ARHGAP24: variants seen among roughly 807,000 people sequenced by gnomAD.
ARHGAP24 encodes rho GTPase-activating protein 24.
Under a neutral mutation model 76.4 loss-of-function variants are expected in ARHGAP24, and 50 were observed. The ratio of observed to expected loss-of-function variants is 0.65; its 90% confidence interval spans 0.52 to 0.83. The LOEUF (loss-of-function observed/expected upper bound fraction) is 0.83. ARHGAP24 is among the 40% of genes least tolerant of loss of function. The probability of loss-of-function intolerance (pLI) is 0.00; values close to 1 mark genes in which losing one functional copy is unlikely to be tolerated. For synonymous variants in ARHGAP24, 345 were observed against 323.3 expected (o/e 1.07, Z -0.72); for missense variants, 930 against 914.2 (o/e 1.02, Z -0.22).
Position 85,766,832 on chromosome 4 carries a change from A to C in ARHGAP24, c.268+44860A>C, listed in dbSNP as rs572157083. Among the ~76,000 whole-genome samples the C allele has an allele frequency of 3.3e-4, 50 of 152,250 alleles. No individual in the cohort carries two copies. In the South Asian group the frequency reaches 0.01, roughly 32 times the overall value. ...TCACTCCTCCTCAGAGTCAAACAAA[A>C]ACTCTCACAATTTTAATATTTAGCA... On this transcript the variant is annotated intron_variant, in intron 3 of 9. Coordinates refer to ENST00000395184, the MANE Select transcript of ARHGAP24 (RefSeq NM_001025616.3).
In ARHGAP24 at chr4:85,632,050, A is replaced by G. The variant is rs563821734; in HGVS notation, c.180+61329A>G. Among the ~76,000 whole-genome samples, 193 of 151,966 alleles carry G rather than the reference A, an allele frequency of 1.3e-3. 1 individual carries two copies. The highest frequency in any genetic ancestry group is 3.4e-3 in the Middle Eastern group (1 of 294). On this transcript the variant is annotated intron_variant, in intron 2 of 9. Coordinates refer to ENST00000395184, the MANE Select transcript of ARHGAP24 (RefSeq NM_001025616.3). ...AAAGTTTTCTTGAACTTATATTTTA[A>G]TATCTTGTTTGTTCCCTTGATTTCC... is the stretch of plus-strand genomic sequence containing the variant.
chr4:85,673,080 T>G (rs988241366), intron 2 of ARHGAP24, among the ~76,000 whole-genome samples: 2 of 152,198 alleles, frequency 1.3e-5, no homozygotes, highest in African/African-American at 4.8e-5. Context: ...TAGATCGAGC[T>G]GGAGAGAAGG....
chr4:85,509,357 C>G (rs963185805), intron 1 of ARHGAP24, among the ~76,000 whole-genome samples: 7 of 151,858 alleles, frequency 4.6e-5, no homozygotes, highest in Admixed American at 4.6e-4. Flanking sequence ...AAAAAAAATT[C>G]TAATTTCTAG....
At position 85,725,316 on chromosome 4, in the gene ARHGAP24, G is replaced by A. The variant is rs542656347; in HGVS notation, c.268+3344G>A. Among the ~76,000 whole-genome samples the A allele has an allele frequency of 9.9e-5, 15 of 152,270 alleles. 1 individual carries two copies. The South Asian group carries it at 3.1e-3, about 32-fold the overall frequency. On this transcript the variant is annotated intron_variant, in intron 3 of 9. Coordinates refer to ENST00000395184, the MANE Select transcript of ARHGAP24 (RefSeq NM_001025616.3). ...GTGCTAAACAAATATTTCTTGAAGT[G>A]CATATATTTACCAGGCTTATGGAAG...
chr4:85,871,012 T>G (rs765299873), intron 3 of ARHGAP24, among the ~76,000 whole-genome samples: 74 of 152,132 alleles, frequency 4.9e-4, no homozygotes, highest in Non-Finnish European at 1.8e-4. Context: ...CAAATAGATA[T>G]GAGATTAGTC....
At chr4:85,613,174 A>G (rs112734269) in intron 2 of ARHGAP24, among the ~76,000 whole-genome samples, 1 of 152,236 alleles carries the variant, frequency 6.6e-6, no homozygotes, top group African/African-American at 2.4e-5. Context: ...AGCTTTGCAT[A>G]TATGTATATC....
chr4:85,608,551 G>GTTTTTTTTTTTTTTTTTTTTTTTTT (rs141361475), intron 2 of ARHGAP24, among the ~76,000 whole-genome samples: 1 of 73,186 alleles, frequency 1.4e-5, no homozygotes, highest in Non-Finnish European at 2.4e-5. Context: ...TTGTTTGGTT[G>GTTTTTTTTTTTTTTTTTTTTTTTTT]TTTTTTTTTT....
At chr4:85,808,009 G>GT (rs1004792539) in intron 3 of ARHGAP24, among the ~76,000 whole-genome samples, 4 of 152,066 alleles carry the variant, frequency 2.6e-5, no homozygotes, top group African/African-American at 7.2e-5. Flanking sequence ...TTTCTTGAGA[G>GT]TTTTTTATTA....
chr4:85,820,977 T>C (rs918608378), intron 3 of ARHGAP24, among the ~76,000 whole-genome samples: 1 of 152,118 alleles, frequency 6.6e-6, no homozygotes, highest in Non-Finnish European at 1.5e-5. Flanking sequence ...ATAAATATTT[T>C]ATTTGTCTAT....
chr4:85,758,956 T>G (rs1445592315), intron 3 of ARHGAP24, among the ~76,000 whole-genome samples: 1 of 152,208 alleles, frequency 6.6e-6, no homozygotes, highest in Admixed American at 6.5e-5. Flanking sequence ...TATTATCCTT[T>G]TTATCGTTAC....
At chr4:85,867,806 A>G (rs1480628417) in intron 3 of ARHGAP24, among the ~76,000 whole-genome samples, 2 of 149,006 alleles carry the variant, frequency 1.3e-5, no homozygotes, top group Non-Finnish European at 3.0e-5. Context: ...CCTGATAATT[A>G]TATATATAAA....
At position 85,782,265 on chromosome 4, in the gene ARHGAP24, TTC is replaced by T. The variant is rs199853189; in HGVS notation, c.268+60294_268+60295del. On this transcript the variant is annotated intron_variant, in intron 3 of 9. Transcript: ENST00000395184. Reference sequence around the variant, plus strand: ...TTTTAATCGAAATTTAATTTTCGTGTTCATACCTAAATAGGAAATTCGACATA... The same window carrying T: ...TTTTAATCGAAATTTAATTTTCGTGTATACCTAAATAGGAAATTCGACATA... 4.6e-3 allele frequency among the ~76,000 whole-genome samples: 704 copies of T among 152,310 alleles called. 4 individuals are homozygous for T. The highest frequency in any genetic ancestry group is 0.016 in the African/African-American group (671 of 41,562).
At chr4:85,855,538 C>T (rs1731504159) in intron 3 of ARHGAP24, among the ~76,000 whole-genome samples, 1 of 151,832 alleles carries the variant, frequency 6.6e-6, no homozygotes, top group African/African-American at 2.4e-5. Flanking sequence ...GAAACCCTGT[C>T]TCTACTAAAG....
chr4:85,975,449 G>C (rs1467693808), intron 7 of ARHGAP24: 1 of 153,000 alleles, frequency 6.5e-6, no homozygotes, highest in African/African-American at 2.4e-5. Context: ...TATATAGTAA[G>C]CATTCAATAA....
chr4:85,962,802 C>T (rs1302088754), intron 5 of ARHGAP24, among the ~76,000 whole-genome samples: 1 of 151,466 alleles, frequency 6.6e-6, no homozygotes, highest in Non-Finnish European at 1.5e-5. Flanking sequence ...AAACTAACTA[C>T]TTTGTCCACT....
chr4:85,909,303 T>G lies in ARHGAP24; in HGVS notation c.269-14345T>G, dbSNP rs538303062. ...TTTATATGGGTTTTCTTTTGTTTTGTTTTTTTTAATTTGTGGTGTGTGTAT... is the reference window on the plus strand; with the variant it reads ...TTTATATGGGTTTTCTTTTGTTTTGGTTTTTTTAATTTGTGGTGTGTGTAT... On this transcript the variant is annotated intron_variant, in intron 3 of 9. Transcript: ENST00000395184. Among the ~76,000 whole-genome samples the G allele has an allele frequency of 3.3e-5, 5 of 150,778 alleles. No individual in the cohort carries two copies. In the South Asian group the frequency reaches 6.3e-4, roughly 19 times the overall value.
At chr4:85,826,958 A>G (rs1464811768) in intron 3 of ARHGAP24, among the ~76,000 whole-genome samples, 6 of 152,254 alleles carry the variant, frequency 3.9e-5, no homozygotes, top group African/African-American at 7.2e-5. Context: ...TTGCAAGATT[A>G]AAAATTGTTC....
chr4:85,969,434 TACATA>T lies in ARHGAP24; in HGVS notation c.600-2596_600-2592del, dbSNP rs370223293. ...TCTGTTTATATAGTCATGCAAATTA[TACATA>T]ACATACTCTGTATATTGAAATATAT... On this transcript the variant is annotated intron_variant, in intron 5 of 9. Coordinates refer to ENST00000395184, the MANE Select transcript of ARHGAP24 (RefSeq NM_001025616.3). 7.8e-4 allele frequency among the ~76,000 whole-genome samples: 118 copies of T among 152,184 alleles called. 1 individual carries two copies. Among genetic ancestry groups the T allele is most frequent in the African/African-American group, 2.6e-3 (110 of 41,566 alleles).
At chr4:85,770,331 T>C (rs1727087171) in intron 3 of ARHGAP24, among the ~76,000 whole-genome samples, 1 of 152,230 alleles carries the variant, frequency 6.6e-6, no homozygotes, top group South Asian at 2.1e-4. Flanking sequence ...ATTTAAAAAT[T>C]ATTCAGCATA....
Sources: allele counts gnomAD v4.1 joint callset (sites outside exome capture counted in the v4.1 genomes callset), GRCh38; gene constraint gnomAD v4.1.1; transcripts MANE v1.5; gene names NCBI Gene and HGNC (gene_info 2026-07-23, HGNC 2026-07-21).